PPP1R12A: variants seen among roughly 807,000 people sequenced by gnomAD.
PPP1R12A encodes myosin binding subunit.
In PPP1R12A, 19 loss-of-function variants were observed where a neutral mutation model predicts 139.6. The ratio of observed to expected loss-of-function variants is 0.14; its 90% CI spans 0.09 to 0.20. The LOEUF (loss-of-function observed/expected upper bound fraction) is 0.20. Ranked by LOEUF, PPP1R12A falls within the 10% of genes least tolerant of loss-of-function variation. PPP1R12A has a pLI of 1.00. For synonymous variants in PPP1R12A, 427 were observed against 420.6 expected, an observed-to-expected ratio of 1.02 and a Z score of -0.19; for missense variants, 925 against 1,211.5, an observed-to-expected ratio of 0.76 and a Z score of 3.51.
intron 19 of PPP1R12A, among the ~76,000 whole-genome samples, chr12:79,792,246 G>A (rs982258977): frequency 6.6e-6 from 1 of 151,986 alleles, no homozygotes; most frequent in East Asian, 1.9e-4. Context: ...TCATGGTATA[G>A]CAGTTACTAG....
intron 10 of PPP1R12A, 57 bp from the exon 11 acceptor site, chr12:79,808,634 T>A (rs1874154020): frequency 1.1e-6 from 1 of 928,688 alleles, no homozygotes; most frequent in African/African-American, 1.7e-5. Flanking sequence ...CTATAGGCAA[T>A]GCTAAAAGTA....
At chr12:79,815,469 C>A (rs562377757) in intron 9 of PPP1R12A, among the ~76,000 whole-genome samples, 191 of 150,490 alleles carry the variant, frequency 1.3e-3, no homozygotes, top group Non-Finnish European at 2.3e-3. Flanking sequence ...TGCAATGAGC[C>A]AAGATCGTGC....
At chr12:79,887,472 G>A (rs986355051) in intron 1 of PPP1R12A, among the ~76,000 whole-genome samples, 1 of 152,086 alleles carries the variant, frequency 6.6e-6, no homozygotes, top group Non-Finnish European at 1.5e-5. Context: ...GTAGAAAAAT[G>A]CTATGAAATT....
chr12:79,816,663 C>T (rs918098698), intron 9 of PPP1R12A, among the ~76,000 whole-genome samples: 4 of 152,046 alleles, frequency 2.6e-5, no homozygotes, highest in African/African-American at 4.8e-5. Flanking sequence ...GGAGAACAGA[C>T]AGAGAACAGA....
At chr12:79,874,660 C>T (rs1187592150) in intron 1 of PPP1R12A, among the ~76,000 whole-genome samples, 1 of 151,518 alleles carries the variant, frequency 6.6e-6, no homozygotes, top group East Asian at 1.9e-4. Context: ...TAAAGAAGTC[C>T]TAAAATAAAA....
At chr12:79,912,475 T>C (rs1211509941) in intron 1 of PPP1R12A, among the ~76,000 whole-genome samples, 1 of 152,076 alleles carries the variant, frequency 6.6e-6, no homozygotes, top group Non-Finnish European at 1.5e-5. Flanking sequence ...GAGGATCGCT[T>C]GAGCCCAGGA....
At position 79,821,728 on chromosome 12, in the gene PPP1R12A, G is replaced by A. The variant is rs145393230; in HGVS notation, c.867+388C>T. ...AGATCGCGCCACTGTACTCTAGCCT[G>A]GGACAGAGTGAGACCCCATCTCCAA... is the stretch of plus-strand genomic sequence containing the variant. On this transcript the variant is annotated intron_variant, in intron 6 of 24. Transcript: ENST00000450142. Among the ~76,000 whole-genome samples the A allele has an allele frequency of 8.6e-5, 13 of 151,436 alleles. No individual in the cohort carries two copies. The East Asian group carries it at 2.3e-3, about 27-fold the overall frequency.
chr12:79,798,670 C>G, intron 14 of PPP1R12A, 86 bp from the exon 15 acceptor site: 1 of 670,648 alleles, frequency 1.5e-6, no homozygotes, highest in Non-Finnish European at 2.3e-6. Flanking sequence ...ATAAAACATA[C>G]AGGTTTAATA....
intron 14 of PPP1R12A, among the ~76,000 whole-genome samples, chr12:79,800,415 ATTC>A (rs1381963527): frequency 6.6e-6 from 1 of 152,172 alleles, no homozygotes; most frequent in African/African-American, 2.4e-5. Context: ...TCTTAATAAC[ATTC>A]TTTTCTCTAG....
At chr12:79,873,602 T>C (rs769512257) in intron 1 of PPP1R12A, among the ~76,000 whole-genome samples, 1 of 151,622 alleles carries the variant, frequency 6.6e-6, no homozygotes, top group African/African-American at 2.4e-5. Context: ...AGTTCAAGGC[T>C]GCAATGAACT....
chr12:79,908,080 T>C (rs1158795370), intron 1 of PPP1R12A, among the ~76,000 whole-genome samples: 1 of 152,154 alleles, frequency 6.6e-6, no homozygotes, highest in African/African-American at 2.4e-5. Context: ...TTCATAAGAA[T>C]GGGTATCTGG....
intron 22 of PPP1R12A, among the ~76,000 whole-genome samples, chr12:79,783,665 A>G (rs1452407096): frequency 2.0e-5 from 3 of 152,220 alleles, no homozygotes; most frequent in Non-Finnish European, 4.4e-5. Flanking sequence ...GCACCTGAAA[A>G]AAATCAAATA....
intron 1 of PPP1R12A, among the ~76,000 whole-genome samples, chr12:79,922,559 C>T: frequency 6.6e-6 from 1 of 152,044 alleles, no homozygotes; most frequent in Non-Finnish European, 1.5e-5. Context: ...AAGCTGGAAG[C>T]CATCATTCTC....
At chr12:79,847,976 G>A (rs1047000088) in intron 2 of PPP1R12A, among the ~76,000 whole-genome samples, 6 of 152,122 alleles carry the variant, frequency 3.9e-5, no homozygotes, top group Non-Finnish European at 8.8e-5. Flanking sequence ...CTAACAGTGG[G>A]TACCTCTAAG....
chr12:79,830,259 A>AT (rs982873135), intron 4 of PPP1R12A, among the ~76,000 whole-genome samples: 9 of 151,884 alleles, frequency 5.9e-5, no homozygotes, highest in Non-Finnish European at 1.3e-4. Flanking sequence ...TACAATTTTA[A>AT]TTTTTTTTAC....
intron 1 of PPP1R12A, among the ~76,000 whole-genome samples, chr12:79,908,391 C>T (rs563524227): frequency 6.6e-6 from 1 of 152,166 alleles, no homozygotes; most frequent in South Asian, 2.1e-4. Context: ...TAATAGAAGA[C>T]CCAAATGCCT....
At chr12:79,911,217 T>A (rs1886535459) in intron 1 of PPP1R12A, among the ~76,000 whole-genome samples, 1 of 152,192 alleles carries the variant, frequency 6.6e-6, no homozygotes, top group South Asian at 2.1e-4. Context: ...AGACACCTTT[T>A]CTCCATTTCC....
chr12:79,851,179 T>C (rs1879998067), intron 2 of PPP1R12A, among the ~76,000 whole-genome samples: 1 of 152,208 alleles, frequency 6.6e-6, no homozygotes, highest in African/African-American at 2.4e-5. Flanking sequence ...GGAGAAATTA[T>C]GAAAATTAAA....
intron 1 of PPP1R12A, among the ~76,000 whole-genome samples, chr12:79,881,820 A>G (rs1202534559): frequency 6.6e-6 from 1 of 152,170 alleles, no homozygotes; most frequent in African/African-American, 2.4e-5. Flanking sequence ...GGGCTAATGC[A>G]GCTGGTGACC....
Sources: allele counts gnomAD v4.1 joint callset (sites outside exome capture counted in the v4.1 genomes callset), GRCh38; gene constraint gnomAD v4.1.1; transcripts MANE v1.5; gene names NCBI Gene and HGNC (gene_info 2026-07-23, HGNC 2026-07-21).